MIGA2: variants seen among roughly 807,000 people sequenced by gnomAD.
The protein encoded by MIGA2 is mitoguardin 2.
Under a neutral mutation model 69.9 loss-of-function variants are expected in MIGA2, and 36 were observed. The ratio of observed to expected loss-of-function variants is 0.52; its 90% CI spans 0.39 to 0.68. The LOEUF is 0.68. Ranked by LOEUF, MIGA2 falls within the 30% of genes least tolerant of loss-of-function variation. The pLI, the probability that MIGA2 is intolerant of heterozygous loss-of-function variation, is 0.00. For synonymous variants in MIGA2, 333 were observed against 349.2 expected (o/e 0.95, Z 0.52); for missense variants, 660 against 787.7 (o/e 0.84, Z 1.94).
chr9:129,063,795 G>C (rs148344945), intron 11 of MIGA2, among the ~76,000 whole-genome samples, 164 bp downstream of exon 11: 284 of 152,322 alleles, frequency 1.9e-3, no homozygotes, highest in Non-Finnish European at 3.5e-3. Context: ...CCATTTCTAA[G>C]CCTTTGTGCC....
At chr9:129,054,515 C>T (rs1189120514) in intron 6 of MIGA2, among the ~76,000 whole-genome samples, 1 of 152,208 alleles carries the variant, frequency 6.6e-6, no homozygotes, top group Non-Finnish European at 1.5e-5. Context: ...ATTCCCTTCA[C>T]ATTCCTTCAT....
chr9:129,057,667 CCAT>C (rs1345853239), intron 6 of MIGA2, among the ~76,000 whole-genome samples: 3 of 151,746 alleles, frequency 2.0e-5, no homozygotes, highest in Non-Finnish European at 4.4e-5. Flanking sequence ...TGCAGTGGCA[CCAT>C]TATGGCTCAC....
In MIGA2 at chr9:129,069,789, G is replaced by A. The variant is rs756368868; in HGVS notation, c.1459-60G>A. On this transcript the variant is annotated intron_variant, in intron 14 of 15. Coordinates refer to ENST00000684074, the MANE Select transcript of MIGA2 (RefSeq NM_001329990.2). The surrounding 1 kb of genome is among the most constrained non-coding windows in gnomAD (Gnocchi z 4.9). ...GCCCAGCCCTTTATGCGACACCTGGGCCTGGTGCCCTCATCCTACCTGGGC... is the reference window on the plus strand; with the variant it reads ...GCCCAGCCCTTTATGCGACACCTGGACCTGGTGCCCTCATCCTACCTGGGC... The A allele has an allele frequency of 4.5e-5, 52 of 1,157,014 alleles. No individual in the cohort carries two copies. The highest frequency in any genetic ancestry group is 1.3e-4 in the Admixed American group (8 of 59,448). 71.7% of individuals were successfully genotyped at this position (1,157,014 alleles called of 1,614,324 possible). A position where few individuals can be genotyped will look rare whatever the true frequency, so the allele number is the denominator to read the frequency against.
chr9:129,060,497 C>A lies in MIGA2; in HGVS notation c.794-53C>A. ...GGGACTTCGTGTACCGGGATTCCAG[C>A]TGAGCACTGTGTGGGGAGTCTCAGC... On this transcript the variant is annotated intron_variant, in intron 7 of 15. Transcript: ENST00000684074. The surrounding 1 kb of genome is among the most constrained non-coding windows in gnomAD (Gnocchi z 4.8). The A allele has an allele frequency of 7.0e-7, 1 of 1,426,264 alleles. No homozygotes were observed. Among genetic ancestry groups the A allele is most frequent in the Non-Finnish European group, 9.6e-7 (1 of 1,039,016 alleles). 88.4% of individuals were successfully genotyped at this position (1,426,264 alleles called of 1,614,324 possible).
intron 11 of MIGA2, among the ~76,000 whole-genome samples, chr9:129,065,088 C>CT (rs74876477): frequency 7.6e-4 from 109 of 143,232 alleles, no homozygotes; most frequent in Admixed American, 1.6e-3. Context: ...TGTCCTCAAT[C>CT]TTTTTTTTTT....
At position 129,061,458 on chromosome 9, in the gene MIGA2, T is replaced by C. The variant is rs977363874; in HGVS notation, c.1010+112T>C. 1.3e-5 allele frequency: 12 copies of C among 947,892 alleles called. No homozygotes were observed. The African/African-American group carries it at 1.8e-4, about 14-fold the overall frequency. 58.7% of individuals were successfully genotyped at this position (947,892 alleles called of 1,614,324 possible). On this transcript the variant is annotated intron_variant, in intron 9 of 15. Transcript: ENST00000684074. The surrounding 1 kb of genome is among the most constrained non-coding windows in gnomAD (Gnocchi z 5.0). Reference sequence around the variant, plus strand: ...TTGGCGAGGACTTAGCCTGAGTGAGTCCAGGCTGCCTGAGGGCCGTGGTGA... The same window carrying C: ...TTGGCGAGGACTTAGCCTGAGTGAGCCCAGGCTGCCTGAGGGCCGTGGTGA...
At chr9:129,046,369 T>C (rs1260558222) in intron 3 of MIGA2, among the ~76,000 whole-genome samples, 1 of 152,062 alleles carries the variant, frequency 6.6e-6, no homozygotes, top group Non-Finnish European at 1.5e-5. Flanking sequence ...TAGTGGCTTG[T>C]ACCTGTAATC....
At position 129,070,276 on chromosome 9, in the gene MIGA2, G is replaced by A. The variant is rs1337590231; in HGVS notation, c.1605G>A (p.Met535Ile). The A allele has an allele frequency of 6.2e-7, 1 of 1,613,104 alleles. No individual in the cohort carries two copies. The highest frequency in any genetic ancestry group is 1.7e-5 in the Admixed American group (1 of 60,032). The change falls in exon 16 of 16, where the codon ATG (methionine) becomes ATA (isoleucine). Residue 535 changes from methionine to isoleucine, a missense_variant. Met to Ile is a conservative substitution (Grantham distance 10). This residue lies in a region of MIGA2 where 220 missense variants were observed against 301.7 expected (regional missense o/e 0.73). Coordinates refer to ENST00000684074, the MANE Select transcript of MIGA2 (RefSeq NM_001329990.2). Reference sequence around the variant, plus strand: ...AGATTGTGCAGTACCTGAGGGACATGTTCGACCTGGACAATGTGCGCTACA... The same window carrying A: ...AGATTGTGCAGTACCTGAGGGACATATTCGACCTGGACAATGTGCGCTACA... ...KHQIVQYLRD[M>I]FDLDNVRYTS...
chr9:129,055,717 C>T (rs1359560536), intron 6 of MIGA2, among the ~76,000 whole-genome samples: 3 of 151,908 alleles, frequency 2.0e-5, no homozygotes, highest in African/African-American at 4.8e-5. Flanking sequence ...GGCGTAGTGG[C>T]GGGCACCTGT....
intron 15 of MIGA2, 138 bp from the exon 16 acceptor site, chr9:129,070,109 A>C (rs1215668344): frequency 2.4e-6 from 3 of 1,229,784 alleles, no homozygotes; most frequent in Non-Finnish European, 3.5e-6. Context: ...GTCCAGAGGA[A>C]GCAGTGGGAG....
chr9:129,045,034 C>T (rs1464638154), intron 3 of MIGA2, among the ~76,000 whole-genome samples: 1 of 150,922 alleles, frequency 6.6e-6, no homozygotes, highest in Non-Finnish European at 1.5e-5. Context: ...CCTGTCTCTA[C>T]TAAAAATACA....
chr9:129,044,300 A>G (rs995208287), intron 3 of MIGA2, among the ~76,000 whole-genome samples: 3 of 149,790 alleles, frequency 2.0e-5, no homozygotes, highest in African/African-American at 7.4e-5. Context: ...CCCTTCTTCT[A>G]CTCTTTTTCC....
intron 6 of MIGA2, among the ~76,000 whole-genome samples, chr9:129,052,685 C>T (rs960577312): frequency 1.3e-5 from 2 of 152,088 alleles, no homozygotes; most frequent in African/African-American, 2.4e-5. Context: ...TCCCATTGGC[C>T]GAGAGCCAGC....
At position 129,066,723 on chromosome 9, in the gene MIGA2, G is replaced by A. The variant is rs569707343; in HGVS notation, c.1171-1050G>A. 1.4e-3 allele frequency among the ~76,000 whole-genome samples: 216 copies of A among 151,152 alleles called. 1 individual carries two copies. The highest frequency in any genetic ancestry group is 2.7e-3 in the Non-Finnish European group (183 of 67,896). ...GCCTGTAATCCCAGCACTTTGGGAG[G>A]CCAAGGCAGGCAGATCACAAGGTCA... On this transcript the variant is annotated intron_variant, in intron 11 of 15. Coordinates refer to ENST00000684074, the MANE Select transcript of MIGA2 (RefSeq NM_001329990.2).
rs1197517762 is a variant in MIGA2, at chr9:129,060,352, A to T, written c.794-198A>T. 2 of 528,748 alleles carry T rather than the reference A, an allele frequency of 3.8e-6. No homozygotes were observed. The highest frequency in any genetic ancestry group is 6.8e-6 in the Non-Finnish European group (2 of 294,740). 32.8% of individuals were successfully genotyped at this position (528,748 alleles called of 1,614,324 possible). ...CCGAGGATGTCGTGGGTGTTGAAGG[A>T]GGTCACTCACTGAGGCGAGGAGTCC... On this transcript the variant is annotated intron_variant, in intron 7 of 15. Coordinates refer to ENST00000684074, the MANE Select transcript of MIGA2 (RefSeq NM_001329990.2). This position sits in a 1 kb window ranked among gnomAD's most constrained non-coding sequence, Gnocchi z 4.8.
At chr9:129,056,778 A>G (rs1045487402) in intron 6 of MIGA2, among the ~76,000 whole-genome samples, 1 of 151,762 alleles carries the variant, frequency 6.6e-6, no homozygotes, top group African/African-American at 2.4e-5. Context: ...CTCGCCCCCC[A>G]AAGTGCTGGG....
At position 129,068,261 on chromosome 9, in the gene MIGA2, C is replaced by G. The variant is rs1178170690; in HGVS notation, c.1333C>G (p.Leu445Val). The change falls in exon 13 of 16, where the codon CTG (leucine) becomes GTG (valine). Residue 445 changes from leucine (L) to valine (V), a missense_variant. Leu to Val is a conservative substitution (Grantham distance 32). Coordinates refer to ENST00000684074, the MANE Select transcript of MIGA2 (RefSeq NM_001329990.2). The surrounding 1 kb of genome is among the most constrained non-coding windows in gnomAD (Gnocchi z 4.1). ...DFILMDAFED[L>V]ENPPASVLAV... ...CATCCTCATGGACGCCTTCGAGGAC[C>G]TGGAGAACCCTCCGGCCTCGGTGCT... 9 of 1,613,358 alleles carry G rather than the reference C, an allele frequency of 5.6e-6. No individual in the cohort carries two copies. Among genetic ancestry groups the G allele is most frequent in the Non-Finnish European group, 7.6e-6 (9 of 1,180,010 alleles).
chr9:129,071,224 G>A lies in MIGA2; in HGVS notation c.*771G>A, dbSNP rs1477275233. The A allele has an allele frequency of 6.6e-6, 1 of 152,380 alleles. No individual in the cohort carries two copies. The highest frequency in any genetic ancestry group is 1.5e-5 in the Non-Finnish European group (1 of 68,144). The allele number at this position is 152,380 out of a possible 1,614,324, so 9.4% of individuals were successfully genotyped here. A position where few individuals can be genotyped will look rare whatever the true frequency, so the allele number is the denominator to read the frequency against. ...GCTCTGAGCTGGGGGCTCAGACCAG[G>A]GATCGCTCAGGCCCCTGTCACCTGT... On this transcript the variant is annotated 3_prime_UTR_variant, in exon 16 of 16. Transcript: ENST00000684074.
intron 11 of MIGA2, 57 bp from the exon 12 acceptor site, chr9:129,067,716 A>C: frequency 1.3e-6 from 2 of 1,507,714 alleles, no homozygotes; most frequent in South Asian, 1.2e-5. Context: ...TCCACAGGCC[A>C]GCCTGTCCCT....
Sources: allele counts gnomAD v4.1 joint callset (sites outside exome capture counted in the v4.1 genomes callset), GRCh38; gene constraint gnomAD v4.1.1; regional missense constraint gnomAD v4.1.1; non-coding constraint Gnocchi (gnomAD v3.1); transcripts MANE v1.5; gene names NCBI Gene and HGNC (gene_info 2026-07-23, HGNC 2026-07-21).